LPA: variants seen among roughly 807,000 people sequenced by gnomAD.
The protein encoded by LPA is lipoprotein(a).
LPA carries 199 observed loss-of-function variants against 197.9 expected under a neutral mutation model. The observed-to-expected ratio is 1.01, with a 90% CI of 0.90 to 1.13. The LOEUF (loss-of-function observed/expected upper bound fraction) is 1.13, where lower values mean the gene tolerates loss of function less well. Among genes scored for constraint, LPA ranks in the 50% most tolerant of loss-of-function variants. LPA has a pLI of 0.00. For missense variants in LPA, 1,853 were observed against 1,785.8 expected (o/e 1.04, Z -0.68); for synonymous variants, 715 against 639.5 (o/e 1.12, Z -1.78).
chr6:160,556,932 C>T (rs1778274606), intron 29 of LPA, among the ~76,000 whole-genome samples: 1 of 152,040 alleles, frequency 6.6e-6, no homozygotes, highest in Non-Finnish European at 1.5e-5. Flanking sequence ...GTATTTACTG[C>T]CAAATAGCCC....
intron 1 of LPA, among the ~76,000 whole-genome samples, chr6:160,660,568 C>G (rs1780207456): frequency 6.6e-6 from 1 of 152,178 alleles, no homozygotes; most frequent in Non-Finnish European, 1.5e-5. Flanking sequence ...ATCTGCTAAT[C>G]CCTGTGTAGA....
chr6:160,594,226 C>T lies in LPA; in HGVS notation c.3470-109G>A, dbSNP rs559623215. 5.9e-5 allele frequency: 82 copies of T among 1,381,552 alleles called. No homozygotes were observed. The East Asian group carries it at 1.5e-3, about 26-fold the overall frequency. The allele number at this position is 1,381,552 out of a possible 1,614,324, so 85.6% of individuals were successfully genotyped here. On this transcript the variant is annotated intron_variant, in intron 21 of 38. Transcript: ENST00000316300. The stretch of plus-strand genomic sequence containing the variant: ...ATTGTCTCTGAGAAAGACTACCATG[C>T]TCTGTTCTGTACTAGCAGGCAGATG...
chr6:160,589,312 A>T (rs1455295990), intron 24 of LPA, among the ~76,000 whole-genome samples: 2 of 152,182 alleles, frequency 1.3e-5, no homozygotes, highest in Admixed American at 1.3e-4. Flanking sequence ...TGAGCTTTCT[A>T]TTCATGAGAC....
chr6:160,583,554 T>C (rs1388664756), intron 26 of LPA, among the ~76,000 whole-genome samples: 1 of 152,144 alleles, frequency 6.6e-6, no homozygotes, highest in African/African-American at 2.4e-5. Context: ...AGCTCTGGCA[T>C]CTTCATTGAG....
intron 1 of LPA, among the ~76,000 whole-genome samples, chr6:160,663,096 G>A (rs1780253481): frequency 6.6e-6 from 1 of 152,168 alleles, no homozygotes; most frequent in Non-Finnish European, 1.5e-5. Context: ...CCTTTTAAAA[G>A]TGCCACTTTC....
intron 26 of LPA, 60 bp downstream of exon 26, chr6:160,584,986 C>A (rs1778879189): frequency 1.3e-6 from 2 of 1,562,914 alleles, no homozygotes; most frequent in African/African-American, 2.7e-5. Context: ...GTAGCATGGG[C>A]CAGCTAAGAG....
intron 23 of LPA, 29 bp downstream of exon 23, chr6:160,590,915 G>T (rs1485707777): frequency 2.5e-6 from 4 of 1,613,724 alleles, no homozygotes; most frequent in South Asian, 1.1e-5. Context: ...ACGTCCAAGG[G>T]TGTGGTTGTC....
chr6:160,626,171 G>A (rs9364567), intron 10 of LPA, among the ~76,000 whole-genome samples: 21,362 of 102,938 alleles, frequency 0.21, 4,759 homozygotes, highest in East Asian at 0.4. Context: ...AATTCCCTAT[G>A]TGATCCCTTG....
chr6:160,591,438 T>C (rs891396585), intron 22 of LPA, among the ~76,000 whole-genome samples: 2 of 152,180 alleles, frequency 1.3e-5, no homozygotes, highest in Non-Finnish European at 2.9e-5. Context: ...TTGAAGTGAG[T>C]CTTGTAGATT....
chr6:160,574,007 G>A (rs927415872), intron 28 of LPA, among the ~76,000 whole-genome samples: 1 of 152,144 alleles, frequency 6.6e-6, no homozygotes, highest in Non-Finnish European at 1.5e-5. Flanking sequence ...GGTAGGGAAG[G>A]ACCATCAGTT....
chr6:160,579,654 T>C (rs1304505289), intron 26 of LPA, among the ~76,000 whole-genome samples: 3 of 152,178 alleles, frequency 2.0e-5, no homozygotes, highest in African/African-American at 7.2e-5. Context: ...CCAAGAACGT[T>C]GCTCCAACCT....
At chr6:160,603,259 T>TGTGTGTGTGTGTGTGTGTGC (rs952043659) in intron 18 of LPA, among the ~76,000 whole-genome samples, 1 of 151,430 alleles carries the variant, frequency 6.6e-6, no homozygotes, top group Non-Finnish European at 1.5e-5. Flanking sequence ...TGTGTGTGTG[T>TGTGTGTGTGTGTGTGTGTGC]GCGTGCATGT....
At chr6:160,553,923 C>CTGTG (rs1778206960) in intron 30 of LPA, among the ~76,000 whole-genome samples, 1 of 88,352 alleles carries the variant, frequency 1.1e-5, no homozygotes, top group African/African-American at 4.3e-5. Flanking sequence ...CTCTCTTTCT[C>CTGTG]TCTCTCTCTC....
rs775748980 is a variant in LPA, at chr6:160,611,641, C to G, written c.2524G>C (p.Val842Leu). ...CAAGCTTGGCAGGTTCTTCCAGTGA[C>G]AGTGGTGGAGTATGTGCCTCGATAA... ...QSYRGTYSTT[V>L]TGRTCQAWSS... The change falls in exon 16 of 39, where the codon GTC becomes CTC. Residue 842 changes from valine (V) to leucine (L), a missense_variant. By Grantham distance (32) the Val-to-Leu change is conservative. This residue lies in a region of LPA where 1,737 missense variants were observed against 1,504.4 expected (regional missense o/e 1.15). Coordinates refer to ENST00000316300, the MANE Select transcript of LPA (RefSeq NM_005577.4). 1.3e-6 allele frequency: 2 copies of G among 1,579,412 alleles called. No individual in the cohort carries two copies. The highest frequency in any genetic ancestry group is 2.2e-5 in the East Asian group (1 of 44,508).
intron 28 of LPA, among the ~76,000 whole-genome samples, chr6:160,563,350 G>A (rs1012382431): frequency 1.3e-5 from 2 of 152,152 alleles, no homozygotes; most frequent in Non-Finnish European, 2.9e-5. Flanking sequence ...GGAGCAGGTT[G>A]TTCAGTTTCC....
At chr6:160,540,899 A>G (rs1320709515) in intron 35 of LPA, among the ~76,000 whole-genome samples, 2 of 152,056 alleles carry the variant, frequency 1.3e-5, no homozygotes, top group African/African-American at 2.4e-5. Context: ...TCCCTCTAGA[A>G]ACACTTCCCT....
chr6:160,575,710 C>T (rs1275588901), intron 28 of LPA, among the ~76,000 whole-genome samples: 2 of 152,246 alleles, frequency 1.3e-5, no homozygotes, highest in South Asian at 4.2e-4. Context: ...TCAAATATCC[C>T]CCAGTGCTTT....
chr6:160,576,345 TATATATATATATATATATATAC>T (rs1778662036), intron 28 of LPA, among the ~76,000 whole-genome samples: 1 of 13,668 alleles, frequency 7.3e-5, no homozygotes, highest in African/African-American at 4.8e-4. Context: ...TGTGTGTATA[TATATATATATATATATATATAC>T]ATATATATAT....
chr6:160,559,123 C>T lies in LPA; in HGVS notation c.4632-1552G>A, dbSNP rs912211262. 3.3e-5 allele frequency among the ~76,000 whole-genome samples: 5 copies of T among 152,244 alleles called. No homozygotes were observed. In the South Asian group the frequency reaches 1.0e-3, roughly 31 times the overall value. Reference sequence around the variant, plus strand: ...ACCTGTGGAGCCCAAACTCCCATCACCACACGGAACATTTCTGTGACCCCA... The same window carrying T: ...ACCTGTGGAGCCCAAACTCCCATCATCACACGGAACATTTCTGTGACCCCA... On this transcript the variant is annotated intron_variant, in intron 28 of 38. Coordinates refer to ENST00000316300, the MANE Select transcript of LPA (RefSeq NM_005577.4).
Sources: gnomAD v4.1 joint callset for allele counts (sites outside exome capture counted in the v4.1 genomes callset) on GRCh38, gnomAD v4.1.1 for gene constraint, gnomAD v4.1.1 regional missense constraint, MANE v1.5 for transcripts, NCBI Gene and HGNC (gene_info 2026-07-23, HGNC 2026-07-21) for gene names.